The following GNA14 variants were observed in gnomAD, a reference collection of about 807,000 sequenced individuals.
GNA14 encodes guanine nucleotide-binding protein subunit alpha-14.
Under a neutral mutation model 42.0 loss-of-function variants are expected in GNA14, and 50 were observed. The ratio of observed to expected loss-of-function variants is 1.19; its 90% CI spans 0.95 to 1.51. The LOEUF (loss-of-function observed/expected upper bound fraction) is 1.51. Among genes scored for constraint, GNA14 ranks in the 40% most tolerant of loss-of-function variants. The pLI, the probability that GNA14 is intolerant of heterozygous loss-of-function variation, is 0.00. For missense variants in GNA14, 473 were observed against 446.2 expected (o/e 1.06, Z -0.54); for synonymous variants, 173 against 163.1 (o/e 1.06, Z -0.46).
chr9:77,549,953 T>C (rs1172356310), intron 1 of GNA14, among the ~76,000 whole-genome samples: 1 of 152,104 alleles, frequency 6.6e-6, no homozygotes, highest in Non-Finnish European at 1.5e-5. Context: ...CCCCAGTCCA[T>C]CGTCTTGGGG....
chr9:77,595,095 G>C (rs1306043593), intron 1 of GNA14, among the ~76,000 whole-genome samples: 1 of 152,188 alleles, frequency 6.6e-6, no homozygotes, highest in African/African-American at 2.4e-5. Context: ...GAATGCTATA[G>C]GGTGGAGCTG....
chr9:77,483,663 C>T (rs971165413), intron 2 of GNA14, among the ~76,000 whole-genome samples: 1 of 152,164 alleles, frequency 6.6e-6, no homozygotes, highest in African/African-American at 2.4e-5. Flanking sequence ...GTGCCCTGCC[C>T]CCAGAGGTGG....
At chr9:77,644,738 A>C (rs916786149) in intron 1 of GNA14, among the ~76,000 whole-genome samples, 6 of 152,190 alleles carry the variant, frequency 3.9e-5, no homozygotes, top group Non-Finnish European at 5.9e-5. Context: ...CTCCAAGGTA[A>C]GGTCTGCATC....
chr9:77,460,711 T>C (rs946915268), intron 2 of GNA14, among the ~76,000 whole-genome samples: 1 of 151,946 alleles, frequency 6.6e-6, no homozygotes, highest in Non-Finnish European at 1.5e-5. Flanking sequence ...CAAAAAAGCA[T>C]CTTTAGCCAG....
At chr9:77,462,785 T>TGA (rs1199071227) in intron 2 of GNA14, among the ~76,000 whole-genome samples, 2 of 151,908 alleles carry the variant, frequency 1.3e-5, no homozygotes, top group African/African-American at 4.8e-5. Context: ...CCTCGATCCC[T>TGA]GACTCTGTCA....
At chr9:77,558,820 C>T (rs1158679386) in intron 1 of GNA14, among the ~76,000 whole-genome samples, 1 of 151,978 alleles carries the variant, frequency 6.6e-6, no homozygotes, top group Non-Finnish European at 1.5e-5. Flanking sequence ...ACTGCTACTG[C>T]CTTTGTTTAC....
At chr9:77,498,393 A>G (rs911388365) in intron 2 of GNA14, among the ~76,000 whole-genome samples, 19 of 150,420 alleles carry the variant, frequency 1.3e-4, no homozygotes, top group Non-Finnish European at 1.9e-4. Flanking sequence ...AAAAAAGAAA[A>G]AAAAGAAAAA....
chr9:77,632,323 C>A (rs1824111500), intron 1 of GNA14, among the ~76,000 whole-genome samples: 2 of 152,176 alleles, frequency 1.3e-5, no homozygotes, highest in Non-Finnish European at 2.9e-5. Context: ...GGCTCCTGGA[C>A]AGGAGGTGGG....
chr9:77,453,961 G>A (rs947243253), intron 2 of GNA14, among the ~76,000 whole-genome samples: 4 of 152,204 alleles, frequency 2.6e-5, no homozygotes, highest in South Asian at 4.1e-4. Context: ...AAAGTCAGAA[G>A]TCTTGCTGCA....
chr9:77,567,592 T>A (rs1822986652), intron 1 of GNA14, among the ~76,000 whole-genome samples: 3 of 152,124 alleles, frequency 2.0e-5, no homozygotes. Context: ...TCCGGCTGGG[T>A]GTGGTGGCTC....
intron 2 of GNA14, among the ~76,000 whole-genome samples, chr9:77,485,206 C>A (rs1836635929): frequency 6.6e-6 from 1 of 152,196 alleles, no homozygotes; most frequent in Non-Finnish European, 1.5e-5. Flanking sequence ...TACTCTAAAT[C>A]TTTTGTTGTC....
intron 1 of GNA14, among the ~76,000 whole-genome samples, chr9:77,543,565 T>C (rs1007608394): frequency 6.6e-6 from 1 of 152,194 alleles, no homozygotes; most frequent in African/African-American, 2.4e-5. Context: ...TAGCTCTCTA[T>C]GAGAGTCTCA....
At chr9:77,584,552 T>G (rs1823272249) in intron 1 of GNA14, among the ~76,000 whole-genome samples, 1 of 135,250 alleles carries the variant, frequency 7.4e-6, no homozygotes, top group Non-Finnish European at 1.5e-5. Flanking sequence ...GCTGAAGTGG[T>G]AGCAGGAAGA....
intron 1 of GNA14, among the ~76,000 whole-genome samples, chr9:77,536,950 CT>C (rs1381201402): frequency 6.6e-6 from 1 of 152,040 alleles, no homozygotes; most frequent in African/African-American, 2.4e-5. Flanking sequence ...CTGCATGCAT[CT>C]TTTTTATGGA....
chr9:77,602,484 C>G (rs761222058), intron 1 of GNA14, among the ~76,000 whole-genome samples: 2 of 152,156 alleles, frequency 1.3e-5, no homozygotes, highest in Non-Finnish European at 2.9e-5. Flanking sequence ...GTTATTCTGT[C>G]AACTAGAATA....
intron 2 of GNA14, among the ~76,000 whole-genome samples, chr9:77,515,960 C>CAAAAAAAAGAAA (rs1837248808): frequency 1.9e-5 from 1 of 52,736 alleles, no homozygotes; most frequent in African/African-American, 6.4e-5. Context: ...CCCTGTCTCA[C>CAAAAAAAAGAAA]AAAAAAAAAA....
At chr9:77,493,735 G>T (rs1836825567) in intron 2 of GNA14, among the ~76,000 whole-genome samples, 1 of 151,952 alleles carries the variant, frequency 6.6e-6, no homozygotes, top group African/African-American at 2.4e-5. Context: ...AGCTCTTTGG[G>T]TTATTATTTG....
chr9:77,527,288 C>G (rs1333720603), intron 2 of GNA14, among the ~76,000 whole-genome samples: 1 of 152,160 alleles, frequency 6.6e-6, no homozygotes, highest in Non-Finnish European at 1.5e-5. Flanking sequence ...CAAAAAGATA[C>G]AGCAATGTAT....
intron 2 of GNA14, among the ~76,000 whole-genome samples, chr9:77,496,535 G>C (rs1836872917): frequency 6.6e-6 from 1 of 152,194 alleles, no homozygotes; most frequent in African/African-American, 2.4e-5. Context: ...CCATCTAACT[G>C]CAAGGTCCAG....
Sources: gnomAD v4.1 joint callset for allele counts (sites outside exome capture counted in the v4.1 genomes callset) on GRCh38, gnomAD v4.1.1 for gene constraint, MANE v1.5 for transcripts, NCBI Gene and HGNC (gene_info 2026-07-23, HGNC 2026-07-21) for gene names.